The following MYRIP variants were observed in gnomAD, a reference collection of about 807,000 sequenced individuals.
The protein encoded by MYRIP is rab effector MyRIP.
In MYRIP, 49 loss-of-function variants were observed where a neutral mutation model predicts 98.0. That is an observed-to-expected ratio of 0.50 (90% confidence interval 0.40 to 0.63). MYRIP has a LOEUF of 0.63. Ranked by LOEUF, MYRIP falls within the 30% of genes least tolerant of loss-of-function variation. The probability of loss-of-function intolerance (pLI) is 0.00; values close to 1 mark genes in which losing one functional copy is unlikely to be tolerated. For missense variants in MYRIP, 1,004 were observed against 1,058.2 expected, an observed-to-expected ratio of 0.95 and a Z score of 0.71; for synonymous variants, 404 against 409.5, an observed-to-expected ratio of 0.99 and a Z score of 0.16.
intron 1 of MYRIP, among the ~76,000 whole-genome samples, chr3:39,817,247 A>C (rs1357463603): frequency 6.6e-6 from 1 of 152,208 alleles, no homozygotes; most frequent in African/African-American, 2.4e-5. Flanking sequence ...GGATCGAAAA[A>C]GAGACAGTAT....
chr3:39,995,205 G>A (rs1946310572), intron 2 of MYRIP, among the ~76,000 whole-genome samples: 1 of 152,182 alleles, frequency 6.6e-6, no homozygotes, highest in African/African-American at 2.4e-5. Context: ...TTGACAAGTT[G>A]AGAGAAGAAG....
intron 3 of MYRIP, among the ~76,000 whole-genome samples, chr3:40,080,791 CTTTTTTTTTTTTT>C (rs34610302): frequency 0.35 from 34,214 of 97,048 alleles, 4,797 homozygotes; most frequent in Middle Eastern, 0.51. Flanking sequence ...ATCCTAACTT[CTTTTTTTTTTTTT>C]TTTTTTTTTT....
chr3:40,211,218 CAG>C (rs1951918928), intron 11 of MYRIP, among the ~76,000 whole-genome samples: 1 of 152,116 alleles, frequency 6.6e-6, no homozygotes, highest in African/African-American at 2.4e-5. Flanking sequence ...ATTTTATCTT[CAG>C]AGTGATGATT....
intron 3 of MYRIP, among the ~76,000 whole-genome samples, chr3:40,049,819 A>G (rs1345575368): frequency 2.0e-5 from 3 of 152,198 alleles, no homozygotes; most frequent in Non-Finnish European, 2.9e-5. Context: ...CAGTGAACAC[A>G]TGAATGATAA....
chr3:40,185,260 G>C (rs1950998772), intron 9 of MYRIP, among the ~76,000 whole-genome samples: 1 of 152,212 alleles, frequency 6.6e-6, no homozygotes, highest in South Asian at 2.1e-4. Context: ...TCCGCTTTCA[G>C]TCTTGACGCT....
intron 1 of MYRIP, among the ~76,000 whole-genome samples, chr3:39,880,212 C>A (rs1943124860): frequency 6.6e-6 from 1 of 152,146 alleles, no homozygotes; most frequent in South Asian, 2.1e-4. Flanking sequence ...TCCCACTCCC[C>A]CCAGGGTCAA....
chr3:40,006,264 G>T (rs1485159645), intron 2 of MYRIP, among the ~76,000 whole-genome samples: 1 of 152,140 alleles, frequency 6.6e-6, no homozygotes, highest in African/African-American at 2.4e-5. Flanking sequence ...TTTAGAGAAG[G>T]AAAATAGAAG....
intron 2 of MYRIP, among the ~76,000 whole-genome samples, chr3:39,931,317 T>G (rs930898035): frequency 6.6e-5 from 10 of 152,058 alleles, no homozygotes; most frequent in Non-Finnish European, 1.3e-4. Flanking sequence ...ATTTTTAAAG[T>G]TACCATTTTG....
At chr3:39,973,137 G>T (rs1020998467) in intron 2 of MYRIP, among the ~76,000 whole-genome samples, 3 of 151,946 alleles carry the variant, frequency 2.0e-5, no homozygotes, top group African/African-American at 7.3e-5. Context: ...ACCCATCAGG[G>T]TGCTGTATTC....
intron 4 of MYRIP, among the ~76,000 whole-genome samples, chr3:40,152,515 C>T (rs1950143248): frequency 6.6e-6 from 1 of 152,096 alleles, no homozygotes; most frequent in Admixed American, 6.6e-5. Context: ...GGCATGAATC[C>T]CAAGTGGGCT....
chr3:40,117,301 G>A (rs909061342), intron 3 of MYRIP, among the ~76,000 whole-genome samples: 1 of 152,168 alleles, frequency 6.6e-6, no homozygotes, highest in African/African-American at 2.4e-5. Context: ...AGAACTGAGA[G>A]CCTTACAAAG....
chr3:40,230,300 A>G (rs977367913), intron 11 of MYRIP, among the ~76,000 whole-genome samples: 1 of 152,222 alleles, frequency 6.6e-6, no homozygotes, highest in African/African-American at 2.4e-5. Context: ...GCTGTAAGCA[A>G]TAGAAATAGG....
intron 3 of MYRIP, among the ~76,000 whole-genome samples, chr3:40,142,679 G>A (rs1399043597): frequency 5.9e-5 from 9 of 152,102 alleles, no homozygotes; most frequent in African/African-American, 1.7e-4. Context: ...GTCTGGTCTC[G>A]AACTCCTAGG....
In MYRIP at chr3:39,894,636, T is replaced by A. The variant is rs548302113; in HGVS notation, c.-30-6151T>A. ...TTTCCTCTGACTTTTTACCTTAATA[T>A]GTCATAAACGCCTTTCTTTTAAATA... is the stretch of plus-strand genomic sequence containing the variant. On this transcript the variant is annotated intron_variant, in intron 1 of 16. Coordinates refer to ENST00000302541, the MANE Select transcript of MYRIP (RefSeq NM_015460.4). Among the ~76,000 whole-genome samples, 5 of 152,338 alleles carry A rather than the reference T, an allele frequency of 3.3e-5. No homozygotes were observed. The East Asian group carries it at 9.6e-4, about 29-fold the overall frequency.
At chr3:40,200,946 A>G (rs537370369) in intron 10 of MYRIP, among the ~76,000 whole-genome samples, 1 of 152,362 alleles carries the variant, frequency 6.6e-6, no homozygotes, top group East Asian at 1.9e-4. Flanking sequence ...AGAAAAAACG[A>G]AAGTGAAACC....
At chr3:40,235,639 G>T (rs1006363851) in intron 12 of MYRIP, among the ~76,000 whole-genome samples, 7 of 152,188 alleles carry the variant, frequency 4.6e-5, no homozygotes, top group Non-Finnish European at 2.9e-5. Context: ...AAGCAGAGTG[G>T]CCCAGAAGAC....
chr3:39,875,425 G>A (rs536708985), intron 1 of MYRIP, among the ~76,000 whole-genome samples: 272 of 151,370 alleles, frequency 1.8e-3, no homozygotes, highest in African/African-American at 6.1e-3. Context: ...TCTTTTAATT[G>A]TGATGTTAGG....
At chr3:40,127,500 G>C (rs1949547604) in intron 3 of MYRIP, among the ~76,000 whole-genome samples, 1 of 152,216 alleles carries the variant, frequency 6.6e-6, no homozygotes, top group African/African-American at 2.4e-5. Flanking sequence ...CAATTCTACA[G>C]AGTTAGATTC....
intron 1 of MYRIP, among the ~76,000 whole-genome samples, chr3:39,900,427 A>G (rs1943715146): frequency 1.3e-5 from 2 of 151,848 alleles, no homozygotes; most frequent in South Asian, 4.1e-4. Context: ...GTTACATATA[A>G]TACTTAACAT....
Sources: allele counts gnomAD v4.1 joint callset (sites outside exome capture counted in the v4.1 genomes callset), GRCh38; gene constraint gnomAD v4.1.1; transcripts MANE v1.5; gene names NCBI Gene and HGNC (gene_info 2026-07-23, HGNC 2026-07-21).